The following CCSER1 variants were observed in gnomAD, a reference collection of about 807,000 sequenced individuals.
CCSER1 encodes serine-rich coiled-coil domain-containing protein 1.
CCSER1 carries 41 observed loss-of-function variants against 82.0 expected under a neutral mutation model. The observed-to-expected ratio is 0.50, with a 90% CI of 0.39 to 0.65. The LOEUF is 0.65. Among genes scored for constraint, CCSER1 ranks in the 30% least tolerant of loss-of-function variants. The pLI is 0.00. For missense variants in CCSER1, 1,119 were observed against 1,064.2 expected, an observed-to-expected ratio of 1.05 and a Z score of -0.72; for synonymous variants, 414 against 383.9, an observed-to-expected ratio of 1.08 and a Z score of -0.92.
At chr4:91,501,342 GA>G (rs1045760934) in intron 10 of CCSER1, among the ~76,000 whole-genome samples, 2 of 151,624 alleles carry the variant, frequency 1.3e-5, no homozygotes, top group Non-Finnish European at 3.0e-5. Flanking sequence ...TTTCCAGTTA[GA>G]AAATCTGTAA....
chr4:91,598,155 T>G (rs193009752), intron 10 of CCSER1, among the ~76,000 whole-genome samples: 18 of 152,320 alleles, frequency 1.2e-4, no homozygotes, highest in African/African-American at 4.3e-4. Flanking sequence ...TCTCTGGACA[T>G]ATATTTAAGT....
chr4:91,496,032 A>C (rs1331660657), intron 10 of CCSER1, among the ~76,000 whole-genome samples: 1 of 151,620 alleles, frequency 6.6e-6, no homozygotes, highest in Non-Finnish European at 1.5e-5. Context: ...GCTTTCTGCT[A>C]TGATAATTGT....
intron 5 of CCSER1, among the ~76,000 whole-genome samples, chr4:90,510,564 G>C (rs987989344): frequency 2.0e-5 from 3 of 152,190 alleles, no homozygotes; most frequent in African/African-American, 7.2e-5. Flanking sequence ...GTCTTTTCCA[G>C]CTTTTCCATG....
intron 9 of CCSER1, among the ~76,000 whole-genome samples, chr4:90,965,834 T>G (rs1238436982): frequency 6.6e-6 from 1 of 152,072 alleles, no homozygotes; most frequent in African/African-American, 2.4e-5. Context: ...TTTTATGTAT[T>G]TAAGAAGTGA....
chr4:90,232,135 A>G (rs991444720), intron 1 of CCSER1, among the ~76,000 whole-genome samples: 8 of 152,204 alleles, frequency 5.3e-5, no homozygotes, highest in African/African-American at 1.2e-4. Context: ...TAAAGTTCCT[A>G]TGAAACCAAA....
At chr4:91,359,057 G>A (rs1409563792) in intron 10 of CCSER1, among the ~76,000 whole-genome samples, 2 of 152,114 alleles carry the variant, frequency 1.3e-5, no homozygotes, top group Non-Finnish European at 2.9e-5. Context: ...CTTAAAATCC[G>A]AGTTCCCCAA....
At chr4:90,316,595 C>A (rs140560086) in intron 3 of CCSER1, among the ~76,000 whole-genome samples, 71 of 152,302 alleles carry the variant, frequency 4.7e-4, no homozygotes, top group Non-Finnish European at 9.3e-4. Flanking sequence ...TCATACTTAG[C>A]AGTTTTGTAA....
intron 6 of CCSER1, among the ~76,000 whole-genome samples, chr4:90,714,362 T>C (rs1741236275): frequency 6.6e-6 from 1 of 152,022 alleles, no homozygotes; most frequent in South Asian, 2.1e-4. Context: ...TAGTATCTTG[T>C]TCATTATAGG....
chr4:90,328,913 A>G (rs768350721), intron 3 of CCSER1, among the ~76,000 whole-genome samples: 1 of 152,218 alleles, frequency 6.6e-6, no homozygotes, highest in Non-Finnish European at 1.5e-5. Flanking sequence ...GTGTCTAAAA[A>G]TAAAAAAAGT....
chr4:90,553,504 T>C (rs1217396814), intron 5 of CCSER1, among the ~76,000 whole-genome samples: 1 of 152,206 alleles, frequency 6.6e-6, no homozygotes, highest in Non-Finnish European at 1.5e-5. Flanking sequence ...ATTAGATACA[T>C]ATTATGGCTT....
At chr4:90,881,329 GA>G (rs1282862065) in intron 8 of CCSER1, among the ~76,000 whole-genome samples, 4 of 152,114 alleles carry the variant, frequency 2.6e-5, no homozygotes, top group African/African-American at 7.2e-5. Context: ...GAGAGAGAGA[GA>G]GGGGGGAAAG....
At chr4:91,228,160 G>A (rs1167020610) in intron 10 of CCSER1, among the ~76,000 whole-genome samples, 1 of 152,070 alleles carries the variant, frequency 6.6e-6, no homozygotes, top group African/African-American at 2.4e-5. Context: ...AATATTTTGA[G>A]AAGACCGACA....
chr4:90,969,302 A>G (rs1176483485), intron 9 of CCSER1, among the ~76,000 whole-genome samples: 1 of 152,074 alleles, frequency 6.6e-6, no homozygotes, highest in Non-Finnish European at 1.5e-5. Context: ...TCATGAAGTT[A>G]AAAGATTTCT....
At chr4:90,136,261 G>A (rs1327199811) in intron 1 of CCSER1, among the ~76,000 whole-genome samples, 1 of 152,088 alleles carries the variant, frequency 6.6e-6, no homozygotes, top group Non-Finnish European at 1.5e-5. Context: ...GCTGAGGTGG[G>A]AGGATTGCAT....
intron 6 of CCSER1, among the ~76,000 whole-genome samples, chr4:90,704,492 C>G: frequency 6.6e-6 from 1 of 152,146 alleles, no homozygotes; most frequent in African/African-American, 2.4e-5. Context: ...GTGGCGTTCT[C>G]TGCATTTCCT....
At chr4:90,613,787 C>A (rs942830909) in intron 5 of CCSER1, among the ~76,000 whole-genome samples, 1 of 151,738 alleles carries the variant, frequency 6.6e-6, no homozygotes, top group South Asian at 2.1e-4. Context: ...CAGGAAAAAA[C>A]AAACAGACAT....
intron 7 of CCSER1, among the ~76,000 whole-genome samples, chr4:90,810,152 G>A (rs1244680139): frequency 6.6e-6 from 1 of 151,992 alleles, no homozygotes; most frequent in African/African-American, 2.4e-5. Context: ...AATAGAGATG[G>A]TGTTTCACTG....
chr4:90,380,796 A>C (rs1749078770), intron 3 of CCSER1, among the ~76,000 whole-genome samples: 1 of 152,130 alleles, frequency 6.6e-6, no homozygotes, highest in African/African-American at 2.4e-5. Context: ...TGATGGAATG[A>C]CCTCCTTAGG....
chr4:91,150,936 T>C (rs1730117803), intron 10 of CCSER1, among the ~76,000 whole-genome samples: 1 of 152,212 alleles, frequency 6.6e-6, no homozygotes, highest in Non-Finnish European at 1.5e-5. Context: ...ATTCTCTTTT[T>C]TTGTTGTGTC....
Sources: gnomAD v4.1 joint callset for allele counts (sites outside exome capture counted in the v4.1 genomes callset) on GRCh38, gnomAD v4.1.1 for gene constraint, MANE v1.5 for transcripts, NCBI Gene and HGNC (gene_info 2026-07-23, HGNC 2026-07-21) for gene names.